The following GATAD1 variants were observed in gnomAD, a reference collection of about 807,000 sequenced individuals.
GATAD1 encodes the protein GATA zinc finger domain-containing protein 1.
GATAD1 carries 12 observed loss-of-function variants against 26.5 expected under a neutral mutation model. The observed-to-expected ratio is 0.45, with a 90% CI of 0.29 to 0.73. The LOEUF is 0.73. GATAD1 is among the 30% of genes least tolerant of loss of function. The probability of loss-of-function intolerance (pLI) is 0.10; values close to 1 mark genes in which losing one functional copy is unlikely to be tolerated. For missense variants in GATAD1, 266 were observed against 342.1 expected, an observed-to-expected ratio of 0.78 and a Z score of 1.75; for synonymous variants, 129 against 133.1, an observed-to-expected ratio of 0.97 and a Z score of 0.21.
chr7:92,447,892 A>AGCGGCG lies in GATAD1; in HGVS notation c.172_177dup (p.Gly58_Gly59dup). On this transcript the variant is annotated inframe_insertion, in exon 1 of 5. Transcript: ENST00000287957. ...GGGGGCGGCTGGAGGGACTGGGGGC[A>AGCGGCG]GCGGCGGCGGCGGCTTCGGCGCGGC... is the stretch of plus-strand genomic sequence containing the variant. 1 of 1,266,712 alleles carries AGCGGCG rather than the reference A, an allele frequency of 7.9e-7. No homozygotes were observed. Among genetic ancestry groups the AGCGGCG allele is most frequent in the Admixed American group, 4.3e-5 (1 of 23,486 alleles). The allele number at this position is 1,266,712 out of a possible 1,614,324, so 78.5% of individuals were successfully genotyped here.
chr7:92,482,596 G>A, the GATAD1 span, among the ~76,000 whole-genome samples: 2 of 152,050 alleles, frequency 1.3e-5, no homozygotes, highest in Non-Finnish European at 1.5e-5. Context: ...GTGATCGGTT[G>A]CCAGGGAGGG....
At chr7:92,467,805 A>G in the GATAD1 span, among the ~76,000 whole-genome samples, 1 of 152,348 alleles carries the variant, frequency 6.6e-6, no homozygotes, top group East Asian at 1.9e-4. Context: ...TAGAAGCCCT[A>G]CTTGGAGAAG....
At chr7:92,448,984 C>T in intron 2 of GATAD1, 107 bp downstream of exon 2, 2 of 1,240,722 alleles carry the variant, frequency 1.6e-6, no homozygotes, top group Non-Finnish European at 2.3e-6. Context: ...GGTAGCCCTT[C>T]CTTAGTATTC....
the GATAD1 span, chr7:92,473,037 TG>T: frequency 2.0e-5 from 3 of 152,158 alleles, no homozygotes; most frequent in Non-Finnish European, 2.9e-5. Flanking sequence ...CCTGAACCCT[TG>T]GGGTAAAATA....
At chr7:92,474,938 C>T in the GATAD1 span, 22 of 152,212 alleles carry the variant, frequency 1.4e-4, no homozygotes, top group African/African-American at 4.8e-4. Flanking sequence ...ACCCTTTTGT[C>T]TATCTCCTTT....
chr7:92,490,782 CTAG>C, the GATAD1 span, among the ~76,000 whole-genome samples: 15 of 152,190 alleles, frequency 9.9e-5, no homozygotes, highest in South Asian at 3.1e-3. Context: ...ATGTTGAATG[CTAG>C]TAGAACAGTG....
chr7:92,467,116 G>A, the GATAD1 span, among the ~76,000 whole-genome samples: 7 of 152,034 alleles, frequency 4.6e-5, no homozygotes, highest in South Asian at 2.1e-4. Context: ...TCAGGAGTTC[G>A]AAACCAGCCT....
At chr7:92,485,834 A>G in the GATAD1 span, among the ~76,000 whole-genome samples, 1 of 152,236 alleles carries the variant, frequency 6.6e-6, no homozygotes, top group Admixed American at 6.5e-5. Flanking sequence ...GATAGTGGCT[A>G]ATAACATAAC....
the GATAD1 span, among the ~76,000 whole-genome samples, chr7:92,468,022 G>A: frequency 3.3e-5 from 5 of 152,128 alleles, no homozygotes; most frequent in Admixed American, 6.5e-5. Context: ...GGCAAGCCTC[G>A]TGTTCTCTGA....
intron 3 of GATAD1, 25 bp downstream of exon 3, chr7:92,450,785 G>T: frequency 6.8e-7 from 1 of 1,463,358 alleles, no homozygotes; most frequent in Non-Finnish European, 9.6e-7. Flanking sequence ...AGTTACTGAA[G>T]GAAGAGTTGG....
At chr7:92,448,028 C>CGG in intron 1 of GATAD1, 50 bp downstream of exon 1, 1 of 1,180,280 alleles carries the variant, frequency 8.5e-7, no homozygotes, top group Non-Finnish European at 1.1e-6. Flanking sequence ...AGGTGCTAGG[C>CGG]GGGCGGGGAC....
intron 2 of GATAD1, chr7:92,449,645 T>C (rs1205705494): frequency 2.1e-6 from 2 of 970,246 alleles, no homozygotes; most frequent in East Asian, 2.3e-4. Context: ...GACCCTGCAG[T>C]AGACTTATGC....
chr7:92,473,710 T>C, the GATAD1 span, among the ~76,000 whole-genome samples: 1 of 151,798 alleles, frequency 6.6e-6, no homozygotes, highest in East Asian at 1.9e-4. Flanking sequence ...ACTGCCCGTC[T>C]TAGGACCCCC....
intron 1 of GATAD1, among the ~76,000 whole-genome samples, chr7:92,448,474 T>C (rs1789269364): frequency 6.6e-6 from 1 of 152,176 alleles, no homozygotes; most frequent in South Asian, 2.1e-4. Flanking sequence ...CAAGACTGAC[T>C]CCTACTCCCG....
At chr7:92,466,231 A>G in the GATAD1 span, among the ~76,000 whole-genome samples, 2 of 151,952 alleles carry the variant, frequency 1.3e-5, no homozygotes, top group Non-Finnish European at 2.9e-5. Flanking sequence ...CACTGTTGTG[A>G]TCACTGCTCA....
intron 3 of GATAD1, 28 bp downstream of exon 3, chr7:92,450,788 A>G (rs1317300295): frequency 1.7e-5 from 24 of 1,452,672 alleles, no homozygotes; most frequent in Non-Finnish European, 2.2e-5. Flanking sequence ...TACTGAAGGA[A>G]GAGTTGGGCC....
downstream of GATAD1, among the ~76,000 whole-genome samples, chr7:92,463,954 C>T (rs991380067): frequency 6.6e-6 from 1 of 151,874 alleles, no homozygotes; most frequent in African/African-American, 2.4e-5. Flanking sequence ...GGGGACAGAG[C>T]GAGACTTAGT....
chr7:92,467,376 T>C, the GATAD1 span, among the ~76,000 whole-genome samples: 2 of 152,180 alleles, frequency 1.3e-5, no homozygotes, highest in Admixed American at 6.5e-5. Context: ...ACATACAAGT[T>C]TTCTCAAGTA....
At chr7:92,463,145 A>G (rs377086345), downstream of GATAD1, 4 of 152,322 alleles carry the variant, frequency 2.6e-5, no homozygotes, top group African/African-American at 9.6e-5. Context: ...AAGGACAAAT[A>G]TTGTATAATT....
Sources: allele counts gnomAD v4.1 joint callset (sites outside exome capture counted in the v4.1 genomes callset), GRCh38; gene constraint gnomAD v4.1.1; transcripts MANE v1.5; gene names NCBI Gene and HGNC (gene_info 2026-07-23, HGNC 2026-07-21).